Variants in ZMAT5 observed in about 807,000 individuals in gnomAD.
ZMAT5 encodes zinc finger matrin-type protein 5.
In ZMAT5, 23 loss-of-function variants were observed where a neutral mutation model predicts 28.0. The observed-to-expected ratio is 0.82, with a 90% CI of 0.59 to 1.16. The LOEUF (loss-of-function observed/expected upper bound fraction) is 1.16. ZMAT5 is among the 50% of genes most tolerant of loss of function. The pLI is 0.00. For synonymous variants in ZMAT5, 76 were observed against 84.1 expected, an observed-to-expected ratio of 0.90 and a Z score of 0.52; for missense variants, 173 against 212.7, an observed-to-expected ratio of 0.81 and a Z score of 1.16.
chr22:29,740,678 G>T lies in ZMAT5; in HGVS notation c.243C>A (p.Asp81Glu), dbSNP rs772110029. The T allele has an allele frequency of 8.1e-6, 13 of 1,604,468 alleles. No individual in the cohort carries two copies. The highest frequency in any genetic ancestry group is 1.7e-5 in the Admixed American group (1 of 58,432). Residue 81 changes from aspartate to glutamate, a missense_variant, in exon 4 of 6, where the codon GAC becomes GAA. Asp to Glu is a conservative substitution (Grantham distance 45, BLOSUM62 2). Coordinates refer to ENST00000344318, the MANE Select transcript of ZMAT5 (RefSeq NM_001003692.2). ...NCRFSHMSERDLQELSIQVEE... is the reference protein window; with the variant it reads ...NCRFSHMSERELQELSIQVEE... Reference sequence around the variant, plus strand: ...CCACCTGGATGCTCAGCTCCTGCAGGTCTCGCTCTGACATGTGGGAAAATC... The same window carrying T: ...CCACCTGGATGCTCAGCTCCTGCAGTTCTCGCTCTGACATGTGGGAAAATC...
At chr22:29,737,123 A>G (rs1169369637) in intron 5 of ZMAT5, among the ~76,000 whole-genome samples, 3 of 151,800 alleles carry the variant, frequency 2.0e-5, no homozygotes, top group Non-Finnish European at 4.4e-5. Flanking sequence ...TGAAGTCGGG[A>G]GTTCAAGACC....
chr22:29,731,492 C>G (rs1156523588), intron 5 of ZMAT5, 138 bp from the exon 6 acceptor site: 3 of 1,184,390 alleles, frequency 2.5e-6, no homozygotes, highest in Non-Finnish European at 3.4e-6. Context: ...GGCAGAGCCT[C>G]GAAAATAGGC....
At chr22:29,737,193 A>C (rs2147217063) in intron 5 of ZMAT5, among the ~76,000 whole-genome samples, 1 of 151,076 alleles carries the variant, frequency 6.6e-6, no homozygotes, top group South Asian at 2.1e-4. Flanking sequence ...GCCAGGTATG[A>C]TGGTGGGTGC....
At chr22:29,757,533 A>C (rs1444383742) in intron 1 of ZMAT5, among the ~76,000 whole-genome samples, 1 of 152,238 alleles carries the variant, frequency 6.6e-6, no homozygotes, top group Non-Finnish European at 1.5e-5. Flanking sequence ...GCTGCTTAGC[A>C]CAGTGCCTGG....
At chr22:29,756,020 G>A (rs528592869) in intron 1 of ZMAT5, among the ~76,000 whole-genome samples, 26 of 152,382 alleles carry the variant, frequency 1.7e-4, no homozygotes, top group Non-Finnish European at 3.2e-4. Flanking sequence ...CGTTGTGTGT[G>A]TCTCAGGTAC....
At chr22:29,750,837 C>T (rs1296402319) in intron 1 of ZMAT5, among the ~76,000 whole-genome samples, 1 of 152,048 alleles carries the variant, frequency 6.6e-6, no homozygotes, top group Non-Finnish European at 1.5e-5. Context: ...AGAGACAGTC[C>T]CAACAGCCAA....
intron 2 of ZMAT5, chr22:29,747,097 CT>C (rs2068015123): frequency 6.6e-6 from 1 of 152,108 alleles, no homozygotes; most frequent in Non-Finnish European, 1.5e-5. Flanking sequence ...AAACCTGCCT[CT>C]GGGGAGGGGA....
intron 5 of ZMAT5, 126 bp downstream of exon 5, chr22:29,738,204 T>C: frequency 1.1e-6 from 1 of 876,138 alleles, no homozygotes; most frequent in Non-Finnish European, 1.7e-6. Flanking sequence ...GAGCTATGTG[T>C]AGGCAACTTT....
intron 3 of ZMAT5, among the ~76,000 whole-genome samples, chr22:29,741,534 C>T (rs1416485817): frequency 6.6e-6 from 1 of 152,230 alleles, no homozygotes; most frequent in Non-Finnish European, 1.5e-5. Context: ...TTAGAGAATA[C>T]ATAGGACCTC....
intron 5 of ZMAT5, chr22:29,731,556 G>A (rs376294041): frequency 4.5e-5 from 26 of 578,478 alleles, no homozygotes; most frequent in African/African-American, 2.2e-4. Flanking sequence ...AGGAAATAGC[G>A]GGGTTGCAGG....
chr22:29,739,048 G>C (rs2147219051), intron 4 of ZMAT5, among the ~76,000 whole-genome samples: 1 of 151,830 alleles, frequency 6.6e-6, no homozygotes, highest in African/African-American at 2.4e-5. Context: ...TGGCCCTAAG[G>C]AGGGGTCTGA....
intron 5 of ZMAT5, among the ~76,000 whole-genome samples, chr22:29,732,109 T>C (rs2067852643): frequency 6.6e-6 from 1 of 152,246 alleles, no homozygotes; most frequent in Admixed American, 6.5e-5. Flanking sequence ...GGCCCAGCGA[T>C]GGCCCCCCAA....
At chr22:29,760,842 C>CT (rs940333446) in intron 1 of ZMAT5, among the ~76,000 whole-genome samples, 51 of 152,250 alleles carry the variant, frequency 3.3e-4, no homozygotes, top group African/African-American at 1.2e-3. Flanking sequence ...GTGGATAAAG[C>CT]TGTTTTCTTA....
In ZMAT5 at chr22:29,749,776, T is replaced by C. The variant is rs372069185; in HGVS notation, c.-27-1205A>G. ...GGTTTCCCCCATGCTGTTCTCATGA[T>C]AGTGAAGAGTTCTCACAGGATCTGA... On this transcript the variant is annotated intron_variant, in intron 1 of 5. Coordinates refer to ENST00000344318, the MANE Select transcript of ZMAT5 (RefSeq NM_001003692.2). Among the ~76,000 whole-genome samples, 472 of 152,266 alleles carry C rather than the reference T, an allele frequency of 3.1e-3. 2 individuals carry two copies. Among genetic ancestry groups the C allele is most frequent in the African/African-American group, 0.011 (450 of 41,564 alleles).
chr22:29,745,419 C>G (rs755418534), intron 2 of ZMAT5, among the ~76,000 whole-genome samples: 2 of 152,364 alleles, frequency 1.3e-5, no homozygotes, highest in East Asian at 1.9e-4. Context: ...ACACACCATT[C>G]TAATTGGGCG....
chr22:29,757,050 A>G (rs967104325), intron 1 of ZMAT5, among the ~76,000 whole-genome samples: 4 of 151,570 alleles, frequency 2.6e-5, no homozygotes, highest in Non-Finnish European at 5.9e-5. Flanking sequence ...AAATATATAT[A>G]TTTTTTAATT....
intron 1 of ZMAT5, among the ~76,000 whole-genome samples, chr22:29,762,282 G>A (rs913043160): frequency 1.3e-5 from 2 of 152,130 alleles, no homozygotes; most frequent in African/African-American, 4.8e-5. Context: ...CTTATTTGCC[G>A]ATATTTATGT....
chr22:29,751,384 T>C (rs1569339012), intron 1 of ZMAT5, among the ~76,000 whole-genome samples: 1 of 152,222 alleles, frequency 6.6e-6, no homozygotes, highest in African/African-American at 2.4e-5. Flanking sequence ...AGTTTCCTAA[T>C]GCAGATGGTG....
rs564157656 is a variant in ZMAT5 at position 29,731,017 on chromosome 22, A to G, written c.*208T>C. ...TTTCTCCCCCATCTTCTTAAGAAGCAGGGGGGCAGGTGGAGGAGAGTGAGG... is the reference window on the plus strand; with the variant it reads ...TTTCTCCCCCATCTTCTTAAGAAGCGGGGGGGCAGGTGGAGGAGAGTGAGG... On this transcript the variant is annotated 3_prime_UTR_variant, in exon 6 of 6. Coordinates refer to ENST00000344318, the MANE Select transcript of ZMAT5 (RefSeq NM_001003692.2). 5.8e-4 allele frequency: 260 copies of G among 450,550 alleles called. 2 individuals are homozygous for G. The highest frequency in any genetic ancestry group is 5.3e-4 in the Non-Finnish European group (138 of 259,576). 27.9% of individuals were successfully genotyped at this position (450,550 alleles called of 1,614,324 possible).
Sources: allele counts gnomAD v4.1 joint callset (sites outside exome capture counted in the v4.1 genomes callset), GRCh38; gene constraint gnomAD v4.1.1; transcripts MANE v1.5; gene names NCBI Gene and HGNC (gene_info 2026-07-23, HGNC 2026-07-21).